ARL14EPL: variants seen among roughly 807,000 people sequenced by gnomAD.
ARL14EPL encodes the protein ARF like GTPase 14 effector protein like.
Under a neutral mutation model 15.9 loss-of-function variants are expected in ARL14EPL, and 17 were observed. The ratio of observed to expected loss-of-function variants is 1.07; its 90% CI spans 0.73 to 1.60. The LOEUF is 1.60. ARL14EPL is among the 40% of genes most tolerant of loss of function. ARL14EPL has a pLI of 0.00. For synonymous variants in ARL14EPL, 78 were observed against 63.8 expected, an observed-to-expected ratio of 1.22 and a Z score of -1.06; for missense variants, 214 against 185.9, an observed-to-expected ratio of 1.15 and a Z score of -0.88.
chr5:116,051,426 T>C (rs753735668), intron 1 of ARL14EPL, 31 bp from the exon 2 acceptor site: 2 of 1,294,706 alleles, frequency 1.5e-6, no homozygotes, highest in South Asian at 1.3e-5. Flanking sequence ...ATGATATTAA[T>C]ATGTTTTACT....
intron 3 of ARL14EPL, among the ~76,000 whole-genome samples, chr5:116,056,955 T>G (rs1206120458): frequency 6.6e-6 from 1 of 152,182 alleles, no homozygotes; most frequent in African/African-American, 2.4e-5. Flanking sequence ...TACCAAAGCC[T>G]GGCAGAGACA....
intron 3 of ARL14EPL, among the ~76,000 whole-genome samples, chr5:116,056,082 A>G (rs1407328592): frequency 6.6e-6 from 1 of 152,080 alleles, no homozygotes; most frequent in African/African-American, 2.4e-5. Flanking sequence ...AGTCTTTGCT[A>G]TTGTGAGTAG....
rs558002100 is a variant in ARL14EPL, at chr5:116,058,098, C to T, written c.237-627C>T. Among the ~76,000 whole-genome samples, 4 of 152,312 alleles carry T rather than the reference C, an allele frequency of 2.6e-5. No individual in the cohort carries two copies. The East Asian group carries it at 5.8e-4, about 22-fold the overall frequency. On this transcript the variant is annotated intron_variant, in intron 3 of 3. Coordinates refer to ENST00000686077, the MANE Select transcript of ARL14EPL (RefSeq NM_001195581.2). ...GCATCCCACCTTCAGTCAGAGCTTACGATGTATGATCCTCCAGTCTTGGTC... is the reference window on the plus strand; with the variant it reads ...GCATCCCACCTTCAGTCAGAGCTTATGATGTATGATCCTCCAGTCTTGGTC...
intron 1 of ARL14EPL, among the ~76,000 whole-genome samples, chr5:116,037,809 T>C (rs1561576014): frequency 6.6e-6 from 1 of 152,162 alleles, no homozygotes. Context: ...TATCTAACTG[T>C]TTTCTTACCT....
chr5:116,054,194 A>C, intron 3 of ARL14EPL, 41 bp downstream of exon 3: 1 of 1,495,934 alleles, frequency 6.7e-7, no homozygotes, highest in Non-Finnish European at 8.9e-7. Flanking sequence ...TGGGATTATG[A>C]AATGCATGAA....
intron 1 of ARL14EPL, among the ~76,000 whole-genome samples, chr5:116,032,946 C>T (rs897622778): frequency 1.3e-5 from 2 of 152,010 alleles, no homozygotes; most frequent in African/African-American, 4.8e-5. Flanking sequence ...TACAGGTGTG[C>T]ACCACCATGC....
At chr5:116,033,939 A>G (rs540262788) in intron 1 of ARL14EPL, among the ~76,000 whole-genome samples, 4 of 152,342 alleles carry the variant, frequency 2.6e-5, no homozygotes, top group South Asian at 4.1e-4. Context: ...ATAGCACGAT[A>G]TAAAGGCTTC....
At chr5:116,044,846 T>C (rs1467525377) in intron 1 of ARL14EPL, among the ~76,000 whole-genome samples, 2 of 152,204 alleles carry the variant, frequency 1.3e-5, no homozygotes, top group African/African-American at 4.8e-5. Context: ...TCATTTTCCC[T>C]TGAGGGTTCT....
At chr5:116,049,730 A>C (rs1749334975) in intron 1 of ARL14EPL, among the ~76,000 whole-genome samples, 1 of 152,212 alleles carries the variant, frequency 6.6e-6, no homozygotes, top group South Asian at 2.1e-4. Context: ...AAGAGAGATA[A>C]GTTGGCTATG....
intron 3 of ARL14EPL, among the ~76,000 whole-genome samples, chr5:116,054,900 A>C (rs1379804987): frequency 8.6e-5 from 13 of 151,582 alleles, no homozygotes; most frequent in Non-Finnish European, 1.5e-5. Flanking sequence ...AAAATGATAA[A>C]TTTAACTACA....
intron 1 of ARL14EPL, among the ~76,000 whole-genome samples, chr5:116,046,789 G>T (rs2560673): frequency 0.74 from 112,643 of 152,014 alleles, 42,560 homozygotes; most frequent in Middle Eastern, 0.84. Flanking sequence ...GTATATGACT[G>T]CTATTGACTT....
At chr5:116,054,961 C>T (rs774024528) in intron 3 of ARL14EPL, among the ~76,000 whole-genome samples, 7 of 151,678 alleles carry the variant, frequency 4.6e-5, no homozygotes, top group Non-Finnish European at 8.8e-5. Context: ...GAAAGACACA[C>T]CATAAAGTAG....
At chr5:116,053,558 T>C (rs1749445802) in intron 2 of ARL14EPL, among the ~76,000 whole-genome samples, 1 of 152,056 alleles carries the variant, frequency 6.6e-6, no homozygotes, top group African/African-American at 2.4e-5. Context: ...CCGAAATGCA[T>C]CCCAGGGCAC....
At chr5:116,056,692 T>C (rs957443190) in intron 3 of ARL14EPL, among the ~76,000 whole-genome samples, 2 of 152,242 alleles carry the variant, frequency 1.3e-5, no homozygotes, top group African/African-American at 2.4e-5. Flanking sequence ...TTGCCATTGC[T>C]TTTGATGTTT....
At chr5:116,040,480 C>G (rs1199586951) in intron 1 of ARL14EPL, among the ~76,000 whole-genome samples, 1 of 151,498 alleles carries the variant, frequency 6.6e-6, no homozygotes, top group Non-Finnish European at 1.5e-5. Flanking sequence ...AGAATAAAGG[C>G]ACAGTTAGAT....
chr5:116,052,330 T>C (rs1335684622), intron 2 of ARL14EPL: 1 of 935,898 alleles, frequency 1.1e-6, no homozygotes, highest in Non-Finnish European at 1.8e-6. Context: ...CTTGCAAAGA[T>C]GTCGGACAAA....
At position 116,059,211 on chromosome 5, in the gene ARL14EPL, C is replaced by A. The variant is rs10064742; in HGVS notation, c.*264C>A. 18,913 of 407,506 alleles carry A rather than the reference C, an allele frequency of 0.046. 1,750 individuals are homozygous for A. Among genetic ancestry groups the A allele is most frequent in the African/African-American group, 0.23 (11,658 of 50,074 alleles). 25.2% of individuals were successfully genotyped at this position (407,506 alleles called of 1,614,324 possible). A position where few individuals can be genotyped will look rare whatever the true frequency, so the allele number is the denominator to read the frequency against. The stretch of plus-strand genomic sequence containing the variant: ...TTTCTCATCAGCACCCTCATCTCTA[C>A]TCTGCCTTCAAATTAAAACTCTCTT... On this transcript the variant is annotated 3_prime_UTR_variant, in exon 4 of 4. Coordinates refer to ENST00000686077, the MANE Select transcript of ARL14EPL (RefSeq NM_001195581.2).
intron 2 of ARL14EPL, chr5:116,052,059 G>C (rs1488311046): frequency 6.2e-7 from 1 of 1,613,068 alleles, no homozygotes; most frequent in East Asian, 2.2e-5. Flanking sequence ...CGAATCTTCA[G>C]TCTCTCAGAG....
At chr5:116,057,593 C>G (rs965314207) in intron 3 of ARL14EPL, among the ~76,000 whole-genome samples, 1 of 152,146 alleles carries the variant, frequency 6.6e-6, no homozygotes, top group Non-Finnish European at 1.5e-5. Context: ...CGCTAAATTT[C>G]CTGGGGTTGC....
Sources: allele counts gnomAD v4.1 joint callset (sites outside exome capture counted in the v4.1 genomes callset), GRCh38; gene constraint gnomAD v4.1.1; transcripts MANE v1.5; gene names NCBI Gene and HGNC (gene_info 2026-07-23, HGNC 2026-07-21).